Variants in SENP2 observed in about 807,000 individuals in gnomAD.
SENP2 encodes the protein sentrin-specific protease 2.
SENP2 carries 16 observed loss-of-function variants against 86.3 expected under a neutral mutation model. The ratio of observed to expected loss-of-function variants is 0.19; its 90% CI spans 0.13 to 0.28. The LOEUF is 0.28. SENP2 is among the 10% of genes least tolerant of loss of function. The pLI is 1.00. For missense variants in SENP2, 552 were observed against 703.0 expected, an observed-to-expected ratio of 0.79 and a Z score of 2.43; for synonymous variants, 222 against 238.7, an observed-to-expected ratio of 0.93 and a Z score of 0.64.
At chr3:185,621,313 G>A (rs1323132707) in intron 13 of SENP2, among the ~76,000 whole-genome samples, 3 of 126,504 alleles carry the variant, frequency 2.4e-5, no homozygotes, top group African/African-American at 9.2e-5. Flanking sequence ...CTAAAGATAC[G>A]TAAGACACAT....
intron 13 of SENP2, among the ~76,000 whole-genome samples, chr3:185,620,053 C>CTT (rs200651806): frequency 1.4e-5 from 2 of 144,142 alleles, no homozygotes; most frequent in African/African-American, 2.5e-5. Context: ...TTTTCTTTTT[C>CTT]TTTTTTTTTT....
chr3:185,624,153 C>A, intron 15 of SENP2, 71 bp downstream of exon 15: 2 of 882,984 alleles, frequency 2.3e-6, no homozygotes, highest in African/African-American at 1.7e-5. Flanking sequence ...AGATTTGGCT[C>A]CCTTCCTGCC....
At chr3:185,599,809 CTT>C (rs63047860) in intron 4 of SENP2, among the ~76,000 whole-genome samples, 103 of 131,956 alleles carry the variant, frequency 7.8e-4, no homozygotes, top group South Asian at 9.5e-4. Context: ...TTCTTTCTTT[CTT>C]TTTTTTTTTT....
At chr3:185,617,311 A>G (rs1711655918) in intron 11 of SENP2, among the ~76,000 whole-genome samples, 169 bp from the exon 12 acceptor site, 1 of 152,204 alleles carries the variant, frequency 6.6e-6, no homozygotes, top group Non-Finnish European at 1.5e-5. Flanking sequence ...ATCACTAAAA[A>G]TAAGAAAAAA....
Position 185,609,337 on chromosome 3 carries a change from T to C in SENP2, c.709T>C (p.Ser237Pro), listed in dbSNP as rs763040233. The C allele has an allele frequency of 1.2e-6, 2 of 1,610,160 alleles. No homozygotes were observed. The highest frequency in any genetic ancestry group is 4.5e-5 in the East Asian group (2 of 44,828). ...GHGNSVCPVTSNYHSSQRSQM... is the reference protein window; with the variant it reads ...GHGNSVCPVTPNYHSSQRSQM... ...TGGAAACTCTGTCTGTCCTGTAACT[T>C]CAAATTATCACAGGTGACAGTGAGC... The change falls in exon 7 of 17, where the codon TCA (serine) becomes CCA (proline). Residue 237 changes from serine (S) to proline (P), a missense_variant. Ser to Pro is a moderately conservative substitution (Grantham distance 74). Around this residue, in one of 2 missense-constraint regions of SENP2, gnomAD observed 383 missense variants for 427.3 expected, o/e 0.90. Coordinates refer to ENST00000296257, the MANE Select transcript of SENP2 (RefSeq NM_021627.3).
chr3:185,600,944 T>C (rs1297776914), intron 5 of SENP2, 89 bp downstream of exon 5: 3 of 890,082 alleles, frequency 3.4e-6, no homozygotes, highest in African/African-American at 1.7e-5. Flanking sequence ...TTGTATTATG[T>C]AGTCCTGCTA....
intron 16 of SENP2, among the ~76,000 whole-genome samples, chr3:185,627,083 CAAAAAAAA>C (rs34406883): frequency 3.8e-4 from 29 of 75,564 alleles, no homozygotes; most frequent in African/African-American, 1.5e-3. Flanking sequence ...AACCCTGTCT[CAAAAAAAA>C]AAAAAAAAAA....
At chr3:185,591,987 T>C (rs1722013944) in intron 2 of SENP2, among the ~76,000 whole-genome samples, 1 of 137,204 alleles carries the variant, frequency 7.3e-6, no homozygotes, top group Non-Finnish European at 1.5e-5. Context: ...AGAATACTCC[T>C]GTCTTTAAGA....
At chr3:185,611,607 C>G in intron 7 of SENP2, 44 bp from the exon 8 acceptor site, 1 of 1,310,578 alleles carries the variant, frequency 7.6e-7, no homozygotes, top group Non-Finnish European at 1.1e-6. Context: ...TAATGGTAGA[C>G]TTTGCTTTTG....
At chr3:185,610,420 C>G (rs1722649881) in intron 7 of SENP2, among the ~76,000 whole-genome samples, 1 of 152,072 alleles carries the variant, frequency 6.6e-6, no homozygotes, top group African/African-American at 2.4e-5. Context: ...CCTCAGCCTC[C>G]CAGAGTGCTG....
intron 5 of SENP2, among the ~76,000 whole-genome samples, chr3:185,605,215 CA>C (rs1371594348): frequency 1.3e-5 from 2 of 150,478 alleles, no homozygotes; most frequent in African/African-American, 4.9e-5. Flanking sequence ...ACTTAAAATA[CA>C]AAAAATTAGC....
At chr3:185,602,304 G>A (rs1028995465) in intron 5 of SENP2, among the ~76,000 whole-genome samples, 7 of 152,170 alleles carry the variant, frequency 4.6e-5, no homozygotes, top group African/African-American at 1.4e-4. Flanking sequence ...GGCTAGGAAA[G>A]AAAGTATAAA....
Position 185,606,599 on chromosome 3 carries a change from T to G in SENP2, c.618+101T>G. 4 of 1,057,828 alleles carry G rather than the reference T, an allele frequency of 3.8e-6. No homozygotes were observed. In the East Asian group the frequency reaches 1.0e-4, roughly 27 times the overall value. 65.5% of individuals were successfully genotyped at this position (1,057,828 alleles called of 1,614,324 possible). On this transcript the variant is annotated intron_variant, in intron 6 of 16. Coordinates refer to ENST00000296257, the MANE Select transcript of SENP2 (RefSeq NM_021627.3). ...AATGGTTCAACGTTTGACATACCAT[T>G]GTAGGTTTTCCTACAATACAGCCTC...
chr3:185,603,016 G>T (rs1214309804), intron 5 of SENP2, among the ~76,000 whole-genome samples: 2 of 147,682 alleles, frequency 1.4e-5, no homozygotes, highest in African/African-American at 5.0e-5. Context: ...GGGTTCAAGC[G>T]ATTCTCCTGC....
chr3:185,612,949 T>C lies in SENP2; in HGVS notation c.869+291T>C, dbSNP rs77720112. Among the ~76,000 whole-genome samples the C allele has an allele frequency of 5.6e-4, 86 of 152,306 alleles. 2 individuals are homozygous for C. The East Asian group carries it at 0.016, about 28-fold the overall frequency. ...ATGTCTAGTGTCAGTGTCTTTAGGATAGGAACAGTAAAGGCAGCTCTGCAT... is the reference window on the plus strand; with the variant it reads ...ATGTCTAGTGTCAGTGTCTTTAGGACAGGAACAGTAAAGGCAGCTCTGCAT... On this transcript the variant is annotated intron_variant, in intron 9 of 16. Transcript: ENST00000296257.
Position 185,612,588 on chromosome 3 carries a change from T to G in SENP2, c.818-19T>G, listed in dbSNP as rs1480275312. The G allele has an allele frequency of 1.9e-6, 3 of 1,585,204 alleles. No homozygotes were observed. Among genetic ancestry groups the G allele is most frequent in the Non-Finnish European group, 1.7e-6 (2 of 1,155,344 alleles). ...ATCGATGAAGGAAACATTTAATCTT[T>G]TCTTTACCATCCTCACAGATAGACT... On this transcript the variant is annotated intron_variant, in intron 8 of 16. Coordinates refer to ENST00000296257, the MANE Select transcript of SENP2 (RefSeq NM_021627.3).
At chr3:185,618,032 C>T (rs1262214778) in intron 12 of SENP2, among the ~76,000 whole-genome samples, 1 of 152,170 alleles carries the variant, frequency 6.6e-6, no homozygotes, top group East Asian at 1.9e-4. Flanking sequence ...GCAACCTCCA[C>T]CTCCTGGGTT....
chr3:185,628,529 G>A (rs1413199268), intron 16 of SENP2, among the ~76,000 whole-genome samples: 3 of 150,814 alleles, frequency 2.0e-5, no homozygotes, highest in Admixed American at 6.6e-5. Context: ...TGTTTGAGAC[G>A]GAGTTTCGTT....
At chr3:185,622,332 A>G (rs1287275944) in intron 14 of SENP2, among the ~76,000 whole-genome samples, 1 of 152,190 alleles carries the variant, frequency 6.6e-6, no homozygotes, top group Admixed American at 6.6e-5. Flanking sequence ...TTCAAATAGT[A>G]ATTGCTATAA....
Sources: allele counts gnomAD v4.1 joint callset (sites outside exome capture counted in the v4.1 genomes callset), GRCh38; gene constraint gnomAD v4.1.1; regional missense constraint gnomAD v4.1.1; transcripts MANE v1.5; gene names NCBI Gene and HGNC (gene_info 2026-07-23, HGNC 2026-07-21).